The following KAZN variants were observed in gnomAD, a reference collection of about 807,000 sequenced individuals.
KAZN encodes kazrin, periplakin interacting protein, also known as kazrin.
A neutral mutation model predicts 87.4 loss-of-function variants in KAZN; 40 were observed. The observed-to-expected ratio is 0.46, with a 90% confidence interval of 0.36 to 0.60. The LOEUF is 0.60. Among genes scored for constraint, KAZN ranks in the 20% least tolerant of loss-of-function variants. The pLI is 0.00. For missense variants in KAZN, 898 were observed against 1,073.9 expected (o/e 0.84, Z 2.29); for synonymous variants, 466 against 458.3 (o/e 1.02, Z -0.22).
intron 1 of KAZN, among the ~76,000 whole-genome samples, chr1:14,860,349 G>A (rs755241556): frequency 6.6e-6 from 1 of 151,992 alleles, no homozygotes; most frequent in African/African-American, 2.4e-5. Flanking sequence ...GCACCACCAT[G>A]CCCAGCTAAC....
At chr1:14,960,610 C>G (rs1663723790) in intron 1 of KAZN, 74 bp from the exon 2 acceptor site, 1 of 1,499,846 alleles carries the variant, frequency 6.7e-7, no homozygotes, top group Non-Finnish European at 9.0e-7. Context: ...AAAGCCACCT[C>G]AAACCATCCC....
intron 1 of KAZN, among the ~76,000 whole-genome samples, chr1:14,042,679 A>G (rs1641890227): frequency 6.6e-6 from 1 of 152,126 alleles, no homozygotes; most frequent in Non-Finnish European, 1.5e-5. Context: ...TTTAGAGTAG[A>G]AGGGGACAGA....
chr1:14,625,796 G>A (rs778144964), intron 1 of KAZN, among the ~76,000 whole-genome samples: 9 of 152,186 alleles, frequency 5.9e-5, no homozygotes, highest in Admixed American at 1.3e-4. Flanking sequence ...AGATGCACTC[G>A]GTGTAATTTG....
At chr1:14,774,737 G>A (rs1209848148) in intron 1 of KAZN, among the ~76,000 whole-genome samples, 2 of 152,090 alleles carry the variant, frequency 1.3e-5, no homozygotes, top group East Asian at 3.9e-4. Flanking sequence ...CTCCCACCGT[G>A]GCCTCCCAAA....
chr1:14,790,984 A>G (rs574766304), intron 1 of KAZN, among the ~76,000 whole-genome samples: 1 of 150,838 alleles, frequency 6.6e-6, no homozygotes, highest in South Asian at 2.1e-4. Flanking sequence ...GAGCCACCGC[A>G]CCGGCCCCCG....
At chr1:14,227,924 A>C (rs1278399417) in intron 2 of KAZN, among the ~76,000 whole-genome samples, 1 of 152,188 alleles carries the variant, frequency 6.6e-6, no homozygotes, top group Non-Finnish European at 1.5e-5. Flanking sequence ...TGTGAGACTC[A>C]GGGTGCTGCT....
chr1:14,554,434 C>A (rs1250537453), intron 2 of KAZN, among the ~76,000 whole-genome samples: 1 of 152,172 alleles, frequency 6.6e-6, no homozygotes, highest in South Asian at 2.1e-4. Flanking sequence ...GATGGACGGA[C>A]CCATCATCTT....
intron 2 of KAZN, among the ~76,000 whole-genome samples, chr1:14,292,335 T>C (rs933300432): frequency 6.6e-6 from 1 of 151,962 alleles, no homozygotes; most frequent in African/African-American, 2.4e-5. Context: ...GAGGGAGAAA[T>C]GAGATGCTGT....
intron 2 of KAZN, among the ~76,000 whole-genome samples, chr1:14,352,775 C>T (rs1658657169): frequency 6.6e-6 from 1 of 152,008 alleles, no homozygotes; most frequent in African/African-American, 2.4e-5. Flanking sequence ...AAGGACATTA[C>T]AAGATAAGAA....
intron 2 of KAZN, among the ~76,000 whole-genome samples, chr1:14,384,444 C>T (rs1661674815): frequency 6.6e-6 from 1 of 152,060 alleles, no homozygotes; most frequent in Non-Finnish European, 1.5e-5. Context: ...ATGATATTGG[C>T]TGTGGGTTTG....
At chr1:14,571,714 C>CG (rs1674875952) in intron 2 of KAZN, among the ~76,000 whole-genome samples, 1 of 152,106 alleles carries the variant, frequency 6.6e-6, no homozygotes. Context: ...TGTGAGACTC[C>CG]GGGCCAGGGT....
At chr1:13,978,495 AATATAT>A (rs144800375) in intron 1 of KAZN, among the ~76,000 whole-genome samples, 2 of 147,512 alleles carry the variant, frequency 1.4e-5, no homozygotes, top group African/African-American at 4.9e-5. Context: ...TATAGAGATA[AATATAT>A]ATATATATAT....
intron 1 of KAZN, among the ~76,000 whole-genome samples, chr1:13,964,226 A>G (rs1455097216): frequency 1.3e-5 from 2 of 152,380 alleles, no homozygotes; most frequent in Non-Finnish European, 2.9e-5. Flanking sequence ...TATATAGTCT[A>G]GATGGGGGAG....
chr1:14,932,480 T>C (rs1434389292), intron 1 of KAZN, among the ~76,000 whole-genome samples: 1 of 152,178 alleles, frequency 6.6e-6, no homozygotes, highest in Non-Finnish European at 1.5e-5. Context: ...CTCCCCTGCA[T>C]GGTAGCCCCT....
intron 1 of KAZN, among the ~76,000 whole-genome samples, chr1:14,873,047 G>A (rs1344513942): frequency 4.7e-5 from 7 of 150,232 alleles, no homozygotes; most frequent in East Asian, 2.0e-4. Context: ...TAGATGAATC[G>A]GTGGGTGGAT....
intron 1 of KAZN, among the ~76,000 whole-genome samples, chr1:14,776,639 A>T (rs1479385211): frequency 6.6e-6 from 1 of 152,126 alleles, no homozygotes. Flanking sequence ...CTACATGGTA[A>T]CTTTTTGGGC....
At chr1:14,651,202 A>G (rs1339421693) in intron 1 of KAZN, among the ~76,000 whole-genome samples, 1 of 152,228 alleles carries the variant, frequency 6.6e-6, no homozygotes, top group Non-Finnish European at 1.5e-5. Context: ...TGAGCCTTTG[A>G]GAGAAAGAAG....
intron 1 of KAZN, chr1:14,924,096 C>G (rs544759652): frequency 1.0e-5 from 10 of 978,662 alleles, no homozygotes; most frequent in Non-Finnish European, 1.2e-5. Flanking sequence ...GTCGCCAGCC[C>G]GGAAGGAGCG....
chr1:14,930,309 C>CA (rs1659664821), intron 1 of KAZN, among the ~76,000 whole-genome samples: 1 of 152,248 alleles, frequency 6.6e-6, no homozygotes, highest in South Asian at 2.1e-4. Flanking sequence ...CAGGCATTCA[C>CA]TGTGTTCACT....
Sources: gnomAD v4.1 joint callset for allele counts (sites outside exome capture counted in the v4.1 genomes callset) on GRCh38, gnomAD v4.1.1 for gene constraint, MANE v1.5 for transcripts, NCBI Gene and HGNC (gene_info 2026-07-23, HGNC 2026-07-21) for gene names.